Variants in GGT5 observed in about 807,000 individuals in gnomAD.
The protein encoded by GGT5 is gamma-glutamyltransferase 5, also known as glutathione hydrolase 5 proenzyme.
Under a neutral mutation model 58.1 loss-of-function variants are expected in GGT5, and 50 were observed. The observed-to-expected ratio is 0.86, with a 90% confidence interval of 0.69 to 1.09. GGT5 has a LOEUF of 1.09. Among genes scored for constraint, GGT5 ranks in the 50% least tolerant of loss-of-function variants. The pLI is 0.00. For synonymous variants in GGT5, 370 were observed against 346.1 expected (o/e 1.07, Z -0.77); for missense variants, 800 against 789.4 (o/e 1.01, Z -0.16).
In GGT5 at chr22:24,223,089, C is replaced by CA. The variant is rs200948476; in HGVS notation, c.1614+1906dup. The stretch of plus-strand genomic sequence containing the variant: ...TGGGCAACAGAGCGAGACTCCGTCT[C>CA]AAAAAAAAGAAAAAAAAAGAGTCAA... On this transcript the variant is annotated intron_variant, in intron 11 of 11. Transcript: ENST00000327365. Among the ~76,000 whole-genome samples the CA allele has an allele frequency of 4.7e-3, 656 of 139,648 alleles. 8 individuals are homozygous for CA. The highest frequency in any genetic ancestry group is 0.016 in the African/African-American group (604 of 37,462). The allele number at this position is 139,648 out of a possible 152,430, so 91.6% of individuals were successfully genotyped here. A position where few individuals can be genotyped will look rare whatever the true frequency, so the allele number is the denominator to read the frequency against.
intron 11 of GGT5, among the ~76,000 whole-genome samples, chr22:24,223,880 A>G (rs983790053): frequency 2.0e-4 from 29 of 145,268 alleles, no homozygotes; most frequent in African/African-American, 7.5e-4. Context: ...CTCCTGCTTC[A>G]GCCTCCCGAG....
chr22:24,228,068 A>C lies in GGT5; in HGVS notation c.902-1301T>G, dbSNP rs1449893404. 2.4e-3 allele frequency among the ~76,000 whole-genome samples: 178 copies of C among 73,594 alleles called. 8 individuals carry two copies. The highest frequency in any genetic ancestry group is 0.022 in the East Asian group (64 of 2,952). The allele number at this position is 73,594 out of a possible 152,430, so 48.3% of individuals were successfully genotyped here. A position where few individuals can be genotyped will look rare whatever the true frequency, so the allele number is the denominator to read the frequency against. On this transcript the variant is annotated intron_variant, in intron 6 of 11. Transcript: ENST00000327365. ...TGTCTCAAAAAAAAAAAAAAAAAACAAAACAAAAAAAAAAAAACTCTGAAA... is the reference window on the plus strand; with the variant it reads ...TGTCTCAAAAAAAAAAAAAAAAAACCAAACAAAAAAAAAAAAACTCTGAAA...
chr22:24,233,815 G>C, intron 2 of GGT5, 59 bp downstream of exon 2: 2 of 1,517,382 alleles, frequency 1.3e-6, no homozygotes, highest in Non-Finnish European at 1.8e-6. Flanking sequence ...CTGGAGAAGG[G>C]GTTACGCAGT....
chr22:24,244,307 A>ACC lies in GGT5; in HGVS notation c.173+245_173+246insGG, dbSNP rs2048406985. 12 of 485,156 alleles carry ACC rather than the reference A, an allele frequency of 2.5e-5. No homozygotes were observed. In the South Asian group the frequency reaches 2.8e-4, roughly 11 times the overall value. The allele number at this position is 485,156 out of a possible 1,614,324, so 30.1% of individuals were successfully genotyped here. A position where few individuals can be genotyped will look rare whatever the true frequency, so the allele number is the denominator to read the frequency against. ...GGCCAGTGCACGTGCACACACACACACACACACACCCACCCACACATACAC... is the reference window on the plus strand; with the variant it reads ...GGCCAGTGCACGTGCACACACACACACCCACACACACCCACCCACACATACAC... On this transcript the variant is annotated intron_variant, in intron 1 of 11. Coordinates refer to ENST00000327365, the MANE Select transcript of GGT5 (RefSeq NM_004121.5).
chr22:24,229,648 A>C (rs185767731), intron 6 of GGT5, among the ~76,000 whole-genome samples: 135 of 151,954 alleles, frequency 8.9e-4, no homozygotes, highest in South Asian at 8.3e-3. Flanking sequence ...CCTGGCCAAC[A>C]TGGTGAAACC....
intron 1 of GGT5, among the ~76,000 whole-genome samples, chr22:24,234,649 G>A (rs747207736): frequency 2.0e-5 from 3 of 152,006 alleles, no homozygotes; most frequent in Non-Finnish European, 2.9e-5. Flanking sequence ...GTGAAACCCC[G>A]TCTCTACTAA....
chr22:24,238,760 AAT>A (rs35687403), intron 1 of GGT5, among the ~76,000 whole-genome samples: 1,960 of 36,714 alleles, frequency 0.053, 296 homozygotes, highest in African/African-American at 0.17. Flanking sequence ...ATATATATGG[AAT>A]ATATATATAT....
chr22:24,241,214 A>G (rs1485738421), intron 1 of GGT5: 4 of 151,948 alleles, frequency 2.6e-5, no homozygotes, highest in South Asian at 2.1e-4. Flanking sequence ...ATTACTTAAC[A>G]TCCAGGAAAC....
intron 4 of GGT5, 81 bp downstream of exon 4, chr22:24,232,742 A>T: frequency 1.0e-6 from 1 of 972,894 alleles, no homozygotes; most frequent in Non-Finnish European, 1.5e-6. Context: ...AGAGGGACTG[A>T]GGCAGAGCTG....
chr22:24,238,814 TATA>T (rs1360113309), intron 1 of GGT5, among the ~76,000 whole-genome samples: 1 of 4,118 alleles, frequency 2.4e-4, no homozygotes, highest in Admixed American at 4.6e-3. Flanking sequence ...TATAATATAT[TATA>T]TATATATATA....
chr22:24,242,649 T>C (rs920941587), intron 1 of GGT5: 3 of 152,198 alleles, frequency 2.0e-5, no homozygotes, highest in Non-Finnish European at 4.4e-5. Context: ...GGCCTCCTGG[T>C]GAGAGGTGAG....
intron 1 of GGT5, among the ~76,000 whole-genome samples, chr22:24,234,326 C>T (rs994675732): frequency 5.9e-5 from 9 of 152,340 alleles, no homozygotes; most frequent in South Asian, 2.1e-4. Context: ...AACGAGGCCT[C>T]GGCCACCTCT....
chr22:24,234,515 G>A (rs1205004775), intron 1 of GGT5, among the ~76,000 whole-genome samples: 5 of 152,166 alleles, frequency 3.3e-5, no homozygotes, highest in African/African-American at 1.2e-4. Context: ...GGGACTCTGA[G>A]CCTATGGAAA....
chr22:24,238,801 AT>A (rs1382449105), intron 1 of GGT5, among the ~76,000 whole-genome samples: 8 of 2,690 alleles, frequency 3.0e-3, no homozygotes, highest in African/African-American at 0.012. Context: ...ATATTTATAT[AT>A]ATATAATATA....
intron 1 of GGT5, among the ~76,000 whole-genome samples, chr22:24,235,527 TC>T (rs1383778345): frequency 6.6e-6 from 1 of 151,966 alleles, no homozygotes; most frequent in Non-Finnish European, 1.5e-5. Flanking sequence ...CCACCCCAGC[TC>T]CTGAGCCACA....
chr22:24,227,853 C>T (rs955492554), intron 6 of GGT5, among the ~76,000 whole-genome samples: 1 of 151,736 alleles, frequency 6.6e-6, no homozygotes, highest in Non-Finnish European at 1.5e-5. Flanking sequence ...AGTTCAAGAC[C>T]AGCCTGACTA....
intron 6 of GGT5, among the ~76,000 whole-genome samples, chr22:24,227,310 G>C (rs541131549): frequency 2.4e-4 from 36 of 151,926 alleles, no homozygotes; most frequent in African/African-American, 8.4e-4. Context: ...TGTGTGGCAC[G>C]ATCTCAGCTT....
intron 2 of GGT5, 117 bp from the exon 3 acceptor site, chr22:24,233,710 A>G (rs1665360482): frequency 1.2e-6 from 1 of 860,864 alleles, no homozygotes; most frequent in South Asian, 1.6e-5. Flanking sequence ...ACACAGGGAC[A>G]GGAGTTGACA....
At chr22:24,223,656 C>A (rs532403339) in intron 11 of GGT5, among the ~76,000 whole-genome samples, 2 of 151,306 alleles carry the variant, frequency 1.3e-5, no homozygotes, top group Non-Finnish European at 2.9e-5. Flanking sequence ...GGCCATGGTT[C>A]TCAGGTTCTA....
Sources: allele counts gnomAD v4.1 joint callset (sites outside exome capture counted in the v4.1 genomes callset), GRCh38; gene constraint gnomAD v4.1.1; transcripts MANE v1.5; gene names NCBI Gene and HGNC (gene_info 2026-07-23, HGNC 2026-07-21).